Variants in GRIK2 observed in about 807,000 individuals in gnomAD.
GRIK2 encodes glutamate receptor ionotropic, kainate 2.
Under a neutral mutation model 100.3 loss-of-function variants are expected in GRIK2, and 32 were observed. The ratio of observed to expected loss-of-function variants is 0.32; its 90% CI spans 0.24 to 0.43. The LOEUF is 0.43. GRIK2 is among the 20% of genes least tolerant of loss of function. The pLI is 1.00. For missense variants in GRIK2, 843 were observed against 1,114.9 expected (o/e 0.76, Z 3.47); for synonymous variants, 417 against 389.4 (o/e 1.07, Z -0.83).
At chr6:101,950,992 G>A (rs1562506544) in intron 14 of GRIK2, among the ~76,000 whole-genome samples, 1 of 152,150 alleles carries the variant, frequency 6.6e-6, no homozygotes, top group Non-Finnish European at 1.5e-5. Flanking sequence ...AAGCGTCATT[G>A]TAGTTAAGGA....
Position 101,825,627 on chromosome 6 carries a change from AT to A in GRIK2, c.1317+7150del, listed in dbSNP as rs1208238231. ...TTATAAGCAGTTTTGCCTTTATGTTATTTTTTATTCCAAACATTATTGTCCA... is the reference window on the plus strand; with the variant it reads ...TTATAAGCAGTTTTGCCTTTATGTTATTTTTATTCCAAACATTATTGTCCA... On this transcript the variant is annotated intron_variant, in intron 10 of 16. Transcript: ENST00000369134. Among the ~76,000 whole-genome samples, 11 of 152,080 alleles carry A rather than the reference AT, an allele frequency of 7.2e-5. No individual in the cohort carries two copies. In the South Asian group the frequency reaches 1.9e-3, roughly 26 times the overall value.
At chr6:102,046,177 T>A (rs1770877147) in intron 15 of GRIK2, among the ~76,000 whole-genome samples, 2 of 152,086 alleles carry the variant, frequency 1.3e-5, no homozygotes, top group South Asian at 4.1e-4. Flanking sequence ...TTGATTCACC[T>A]GAATATATAA....
intron 2 of GRIK2, among the ~76,000 whole-genome samples, chr6:101,486,386 TGGGGC>T (rs1772829094): frequency 3.2e-4 from 4 of 12,416 alleles, no homozygotes; most frequent in South Asian, 2.8e-3. Flanking sequence ...CATGAGGGGG[TGGGGC>T]GGGGGGGGGA....
chr6:101,785,652 G>T (rs1779375626), intron 7 of GRIK2, among the ~76,000 whole-genome samples: 1 of 151,698 alleles, frequency 6.6e-6, no homozygotes, highest in African/African-American at 2.4e-5. Context: ...TTTCTGGATT[G>T]CCCATTTTGT....
At chr6:102,001,110 T>C (rs1460468045) in intron 14 of GRIK2, among the ~76,000 whole-genome samples, 1 of 152,000 alleles carries the variant, frequency 6.6e-6, no homozygotes, top group Non-Finnish European at 1.5e-5. Flanking sequence ...TAACATAACA[T>C]AACATTCAAT....
At chr6:101,584,114 A>T (rs949297032) in intron 2 of GRIK2, among the ~76,000 whole-genome samples, 1 of 152,086 alleles carries the variant, frequency 6.6e-6, no homozygotes, top group Admixed American at 6.6e-5. Flanking sequence ...TAAAGAAAAA[A>T]TATGATTATA....
chr6:101,728,087 A>G (rs1428965017), intron 7 of GRIK2, among the ~76,000 whole-genome samples: 1 of 152,084 alleles, frequency 6.6e-6, no homozygotes, highest in Admixed American at 6.6e-5. Flanking sequence ...TTTTATTGAG[A>G]TAATCAAAAA....
At chr6:102,042,205 T>C (rs1397887699) in intron 15 of GRIK2, among the ~76,000 whole-genome samples, 1 of 151,576 alleles carries the variant, frequency 6.6e-6, no homozygotes, top group East Asian at 1.9e-4. Context: ...TAAAGACATG[T>C]TTAGTAAACA....
intron 14 of GRIK2, among the ~76,000 whole-genome samples, chr6:101,958,259 G>GTGTGTGTGTGTGTGTGTA (rs1306972084): frequency 2.0e-5 from 3 of 150,482 alleles, no homozygotes; most frequent in African/African-American, 7.3e-5. Context: ...ATATTTGTGT[G>GTGTGTGTGTGTGTGTGTA]TGTGTGTGTG....
At chr6:101,942,823 GA>G (rs1435039405) in intron 14 of GRIK2, among the ~76,000 whole-genome samples, 1 of 152,156 alleles carries the variant, frequency 6.6e-6, no homozygotes, top group Non-Finnish European at 1.5e-5. Context: ...TAAAAGTTTG[GA>G]TAATTTTTAG....
intron 7 of GRIK2, among the ~76,000 whole-genome samples, chr6:101,768,777 C>T (rs1244267359): frequency 6.6e-6 from 1 of 152,132 alleles, no homozygotes; most frequent in Non-Finnish European, 1.5e-5. Flanking sequence ...GTGCCCATTA[C>T]TCAGTGCTTT....
chr6:101,573,719 C>A (rs1777663099), intron 2 of GRIK2, among the ~76,000 whole-genome samples: 1 of 151,908 alleles, frequency 6.6e-6, no homozygotes, highest in Non-Finnish European at 1.5e-5. Flanking sequence ...TTTTACAGAC[C>A]ACTTGAATTC....
intron 2 of GRIK2, among the ~76,000 whole-genome samples, chr6:101,456,483 G>A (rs1771016469): frequency 6.6e-6 from 1 of 151,938 alleles, no homozygotes. Context: ...GAAAAGGAGA[G>A]TAGTAATTTA....
At chr6:101,847,246 T>G (rs1158160667) in intron 10 of GRIK2, among the ~76,000 whole-genome samples, 1 of 152,150 alleles carries the variant, frequency 6.6e-6, no homozygotes, top group Non-Finnish European at 1.5e-5. Flanking sequence ...TAATTTCCTC[T>G]GCAACTCATT....
chr6:101,667,585 C>A (rs998395560), intron 4 of GRIK2, among the ~76,000 whole-genome samples: 1 of 151,994 alleles, frequency 6.6e-6, no homozygotes, highest in Non-Finnish European at 1.5e-5. Context: ...GGTCTGAATT[C>A]CTGCTGGAAT....
At chr6:101,651,505 T>C (rs1582894494) in intron 4 of GRIK2, among the ~76,000 whole-genome samples, 1 of 152,110 alleles carries the variant, frequency 6.6e-6, no homozygotes, top group South Asian at 2.1e-4. Context: ...AATATGTAAA[T>C]TGTAGAGTAT....
chr6:101,624,088 G>A (rs1050418100), intron 3 of GRIK2, among the ~76,000 whole-genome samples: 1 of 151,912 alleles, frequency 6.6e-6, no homozygotes, highest in African/African-American at 2.4e-5. Context: ...TTCTGTTATA[G>A]TTTTAAAGGG....
intron 14 of GRIK2, among the ~76,000 whole-genome samples, chr6:102,031,121 ACACACACC>A (rs879890398): frequency 0.041 from 4,853 of 118,868 alleles, 138 homozygotes; most frequent in African/African-American, 0.062. Flanking sequence ...ACACACACAC[ACACACACC>A]CCCTTTGAGT....
intron 7 of GRIK2, among the ~76,000 whole-genome samples, chr6:101,745,773 G>A (rs1454838505): frequency 2.0e-5 from 3 of 151,992 alleles, no homozygotes; most frequent in Non-Finnish European, 4.4e-5. Context: ...CTCCTCATCA[G>A]GATCATTTAA....
Sources: gnomAD v4.1 joint callset for allele counts (sites outside exome capture counted in the v4.1 genomes callset) on GRCh38, gnomAD v4.1.1 for gene constraint, MANE v1.5 for transcripts, NCBI Gene and HGNC (gene_info 2026-07-23, HGNC 2026-07-21) for gene names.